FAT3: variants seen among roughly 807,000 people sequenced by gnomAD.
FAT3 encodes the protein protocadherin Fat 3.
A neutral mutation model predicts 310.2 loss-of-function variants in FAT3; 95 were observed. That is an observed-to-expected ratio of 0.31 (90% CI 0.26 to 0.36). The LOEUF (loss-of-function observed/expected upper bound fraction) is 0.36, where lower values mean the gene tolerates loss of function less well. Ranked by LOEUF, FAT3 falls within the 10% of genes least tolerant of loss-of-function variation. The pLI is 1.00. For synonymous variants in FAT3, 2,314 were observed against 2,192.9 expected (o/e 1.06, Z -1.54); for missense variants, 5,408 against 5,715.6 (o/e 0.95, Z 1.74).
intron 22 of FAT3, among the ~76,000 whole-genome samples, chr11:92,872,585 A>C (rs976166764): frequency 1.3e-5 from 2 of 152,210 alleles, no homozygotes; most frequent in Non-Finnish European, 2.9e-5. Flanking sequence ...ATAATTATAG[A>C]CACTAATAGA....
chr11:92,327,847 C>T (rs1255246808), intron 1 of FAT3, among the ~76,000 whole-genome samples: 1 of 152,206 alleles, frequency 6.6e-6, no homozygotes, highest in Non-Finnish European at 1.5e-5. Flanking sequence ...GGTATTCTCA[C>T]TTTGGAGTGC....
rs956831073 is a variant in FAT3, at chr11:92,260,926, T to C, written c.-18+35752T>C. Among the ~76,000 whole-genome samples, 13 of 152,188 alleles carry C rather than the reference T, an allele frequency of 8.5e-5. 1 individual carries two copies. Among genetic ancestry groups the C allele is most frequent in the African/African-American group, 3.1e-4 (13 of 41,548 alleles). On this transcript the variant is annotated intron_variant, in intron 1 of 27. Transcript: ENST00000525166. The stretch of plus-strand genomic sequence containing the variant: ...AAAAAACTTAAGTGTGGGTATCCTG[T>C]TTGCTTTTTGTCCGCAGATGTTAAG...
At chr11:92,873,536 A>G (rs1490412989) in intron 22 of FAT3, among the ~76,000 whole-genome samples, 1 of 152,214 alleles carries the variant, frequency 6.6e-6, no homozygotes, top group Admixed American at 6.5e-5. Flanking sequence ...TGGATGAATC[A>G]GGTTGGAAAA....
At chr11:92,252,177 G>T (rs1039389000) in intron 1 of FAT3, among the ~76,000 whole-genome samples, 1 of 152,144 alleles carries the variant, frequency 6.6e-6, no homozygotes, top group African/African-American at 2.4e-5. Flanking sequence ...AGGTCCTCTG[G>T]AGTCAAAACC....
At chr11:92,394,555 C>T (rs745977506) in intron 2 of FAT3, among the ~76,000 whole-genome samples, 12 of 152,032 alleles carry the variant, frequency 7.9e-5, no homozygotes, top group East Asian at 1.9e-4. Context: ...TGCTACCTAA[C>T]GTGAAATCAC....
intron 2 of FAT3, among the ~76,000 whole-genome samples, chr11:92,442,111 A>ATATATTTTTTTTTTTT (rs1453396603): frequency 4.4e-5 from 2 of 45,216 alleles, no homozygotes; most frequent in African/African-American, 3.7e-4. Context: ...ATATATATAT[A>ATATATTTTTTTTTTTT]TTTTTTTTTT....
intron 9 of FAT3, among the ~76,000 whole-genome samples, chr11:92,795,439 AT>A (rs1051808672): frequency 5.9e-5 from 9 of 152,120 alleles, no homozygotes; most frequent in African/African-American, 2.2e-4. Flanking sequence ...ACAGAGGCCA[AT>A]TTTTCAGGAT....
chr11:92,867,136 C>T lies in FAT3; in HGVS notation c.12054C>T (p.Cys4018=), dbSNP rs200233379. The T allele has an allele frequency of 1.2e-6, 2 of 1,601,694 alleles. No homozygotes were observed. Among genetic ancestry groups the T allele is most frequent in the Non-Finnish European group, 1.7e-6 (2 of 1,175,370 alleles). Residue 4018 remains cysteine, a synonymous_variant, in exon 22 of 28, where the codon TGC becomes TGT. Transcript: ENST00000525166. The part of the protein sequence containing the change: ...VVGLTELKLG[C]VLYPDACKRS... Reference sequence around the variant, plus strand: ...GCCTGACGGAGCTGAAGCTGGGCTGCGTGCTCTATCCCGACGCCTGCAAGC... The same window carrying T: ...GCCTGACGGAGCTGAAGCTGGGCTGTGTGCTCTATCCCGACGCCTGCAAGC...
intron 2 of FAT3, chr11:92,498,744 C>T (rs1213592306): frequency 6.6e-6 from 1 of 152,632 alleles, no homozygotes; most frequent in Non-Finnish European, 1.5e-5. Flanking sequence ...AATCAGTCCA[C>T]CCTTGAAGCC....
chr11:92,740,603 G>C (rs753040538), intron 4 of FAT3, among the ~76,000 whole-genome samples: 8 of 152,196 alleles, frequency 5.3e-5, no homozygotes, highest in Non-Finnish European at 1.0e-4. Flanking sequence ...TCTTTTAGGA[G>C]AGTATTATTC....
At position 92,831,979 on chromosome 11, in the gene FAT3, A is replaced by G; in HGVS notation, c.9839A>G (p.Glu3280Gly). 6 of 1,557,152 alleles carry G rather than the reference A, an allele frequency of 3.9e-6. No homozygotes were observed. The highest frequency in any genetic ancestry group is 5.2e-6 in the Non-Finnish European group (6 of 1,150,466). The change falls in exon 14 of 28, where the codon GAA (glutamate) becomes GGA (glycine). Residue 3280 changes from glutamate (E) to glycine (G), a missense_variant. By Grantham distance (98) the Glu-to-Gly change is moderately conservative. Around this residue, in one of 5 missense-constraint regions of FAT3, gnomAD observed 4,588 missense variants for 4,809.8 expected, o/e 0.95. Coordinates refer to ENST00000525166, the MANE Select transcript of FAT3 (RefSeq NM_001367949.2). Reference sequence around the variant, plus strand: ...ACTTATCTCATCCGGTCTGGGAACGAACAAGGGAAATTTAAGATCAACCCC... The same window carrying G: ...ACTTATCTCATCCGGTCTGGGAACGGACAAGGGAAATTTAAGATCAACCCC... ...EITYLIRSGN[E>G]QGKFKINPKT...
At chr11:92,870,109 A>G (rs1591835034) in intron 22 of FAT3, among the ~76,000 whole-genome samples, 1 of 152,330 alleles carries the variant, frequency 6.6e-6, no homozygotes, top group Middle Eastern at 3.4e-3. Flanking sequence ...ATTCTGGAGT[A>G]TTGGTCATCG....
intron 2 of FAT3, among the ~76,000 whole-genome samples, chr11:92,416,217 T>TA (rs1950408650): frequency 2.8e-5 from 1 of 35,914 alleles, no homozygotes; most frequent in Non-Finnish European, 5.2e-5. Flanking sequence ...CTACTAAAGA[T>TA]ACAAAAAAAA....
intron 13 of FAT3, 38 bp from the exon 14 acceptor site, chr11:92,831,584 T>C (rs750514991): frequency 3.2e-6 from 5 of 1,568,690 alleles, no homozygotes; most frequent in South Asian, 2.4e-5. Flanking sequence ...CATCTGGCCA[T>C]GTTCTTGCCC....
At chr11:92,341,280 G>C (rs1948254791) in intron 1 of FAT3, among the ~76,000 whole-genome samples, 1 of 152,152 alleles carries the variant, frequency 6.6e-6, no homozygotes, top group South Asian at 2.1e-4. Flanking sequence ...TGCAGCCTCG[G>C]GCTCTTTAGT....
At position 92,867,991 on chromosome 11, in the gene FAT3, A is replaced by T. The variant is rs570589454; in HGVS notation, c.12127+782A>T. Among the ~76,000 whole-genome samples the T allele has an allele frequency of 3.9e-5, 6 of 152,260 alleles. No individual in the cohort carries two copies. In the South Asian group the frequency reaches 1.0e-3, roughly 26 times the overall value. The stretch of plus-strand genomic sequence containing the variant: ...TTATTTAAGTCCTAGGAGTCTAGAG[A>T]TAAAAGAATCCCTGACTTTACCAAG... On this transcript the variant is annotated intron_variant, in intron 22 of 27. Coordinates refer to ENST00000525166, the MANE Select transcript of FAT3 (RefSeq NM_001367949.2).
chr11:92,453,675 T>A (rs1951421399), intron 2 of FAT3, among the ~76,000 whole-genome samples: 1 of 152,148 alleles, frequency 6.6e-6, no homozygotes, highest in Non-Finnish European at 1.5e-5. Flanking sequence ...TTCAACAAGA[T>A]AAAATAACTT....
intron 2 of FAT3, among the ~76,000 whole-genome samples, chr11:92,430,925 G>C (rs550860425): frequency 0.077 from 11,791 of 152,144 alleles, 652 homozygotes; most frequent in African/African-American, 0.15. Flanking sequence ...GGACATTTGG[G>C]TTGGTTCCAA....
chr11:92,459,251 G>A (rs1200511087), intron 2 of FAT3, among the ~76,000 whole-genome samples: 1 of 152,136 alleles, frequency 6.6e-6, no homozygotes, highest in Non-Finnish European at 1.5e-5. Context: ...CTGCCAGAGA[G>A]CCTTGGAATC....
Sources: allele counts gnomAD v4.1 joint callset (sites outside exome capture counted in the v4.1 genomes callset), GRCh38; gene constraint gnomAD v4.1.1; regional missense constraint gnomAD v4.1.1; transcripts MANE v1.5; gene names NCBI Gene and HGNC (gene_info 2026-07-23, HGNC 2026-07-21).